The following STYK1 variants were observed in gnomAD, a reference collection of about 807,000 sequenced individuals.
STYK1 encodes STY kinase 1, also known as tyrosine-protein kinase STYK1.
A neutral mutation model predicts 48.1 loss-of-function variants in STYK1; 46 were observed. The ratio of observed to expected loss-of-function variants is 0.96; its 90% CI spans 0.75 to 1.22. The LOEUF is 1.22. Ranked by LOEUF, STYK1 falls within the 50% of genes most tolerant of loss-of-function variation. The probability of loss-of-function intolerance (pLI) is 0.00; values close to 1 mark genes in which losing one functional copy is unlikely to be tolerated. For synonymous variants in STYK1, 188 were observed against 189.0 expected (o/e 0.99, Z 0.04); for missense variants, 527 against 521.1 (o/e 1.01, Z -0.11).
intron 1 of STYK1, among the ~76,000 whole-genome samples, chr12:10,654,630 CAG>C (rs971008161): frequency 1.3e-5 from 2 of 152,062 alleles, no homozygotes; most frequent in Admixed American, 6.6e-5. Context: ...TCTCCTAAGA[CAG>C]AGAGGGTTAA....
intron 1 of STYK1, among the ~76,000 whole-genome samples, chr12:10,637,850 G>T (rs1947503101): frequency 6.6e-6 from 1 of 152,172 alleles, no homozygotes; most frequent in Non-Finnish European, 1.5e-5. Flanking sequence ...ACTCTGTCAA[G>T]CTGAGAAAAG....
chr12:10,630,152 G>A (rs1947408857), intron 5 of STYK1, among the ~76,000 whole-genome samples: 1 of 151,802 alleles, frequency 6.6e-6, no homozygotes, highest in Admixed American at 6.6e-5. Flanking sequence ...TTGGGAGGTT[G>A]AGGCTGGTGG....
chr12:10,639,113 C>T (rs1035009640), intron 1 of STYK1, among the ~76,000 whole-genome samples: 8 of 152,228 alleles, frequency 5.3e-5, no homozygotes, highest in South Asian at 2.1e-4. Context: ...TTCATTCTTA[C>T]CCTTGAGCTA....
chr12:10,633,829 A>G (rs537015555), intron 4 of STYK1, among the ~76,000 whole-genome samples, 161 bp downstream of exon 4: 1 of 152,276 alleles, frequency 6.6e-6, no homozygotes, highest in South Asian at 2.1e-4. Context: ...AATTCCTAGA[A>G]AAGAGATCAT....
chr12:10,649,443 A>G (rs1370020160), intron 1 of STYK1, among the ~76,000 whole-genome samples: 1 of 152,238 alleles, frequency 6.6e-6, no homozygotes, highest in East Asian at 1.9e-4. Flanking sequence ...AGCAATTTGT[A>G]ATGTTAGTGG....
rs148731904 is a variant in STYK1 at position 10,634,500 on chromosome 12, T to G, written c.52+67A>C. ...AAATCAAATCATCCTCCTTCTAGAA[T>G]CTACCGAGACCTTAGCCTTCATAAT... On this transcript the variant is annotated intron_variant, in intron 3 of 10. Transcript: ENST00000075503. 4.0e-6 allele frequency: 6 copies of G among 1,511,794 alleles called. No individual in the cohort carries two copies. The East Asian group carries it at 1.1e-4, about 28-fold the overall frequency. The allele number at this position is 1,511,794 out of a possible 1,614,324, so 93.6% of individuals were successfully genotyped here.
intron 7 of STYK1, 76 bp downstream of exon 7, chr12:10,627,565 T>C: frequency 1.5e-6 from 2 of 1,310,442 alleles, no homozygotes; most frequent in African/African-American, 1.5e-5. Flanking sequence ...AGAATATTAA[T>C]ATGAGAAATA....
Position 10,634,037 on chromosome 12 carries a change from A to T in STYK1, c.140T>A (p.Leu47His). 6.2e-7 allele frequency: 1 copy of T among 1,614,190 alleles called. No individual in the cohort carries two copies. Among genetic ancestry groups the T allele is most frequent in the South Asian group, 1.1e-5 (1 of 91,082 alleles). The change falls in exon 4 of 11, where the codon CTT becomes CAT. Residue 47 changes from leucine (L) to histidine (H), a missense_variant. Transcript: ENST00000075503. Reference protein sequence around the residue: ...FLILLGVILWLFIREQRTQQQ... With the variant: ...FLILLGVILWHFIREQRTQQQ... The stretch of plus-strand genomic sequence containing the variant: ...TTGAGTTCTTTGTTCTCTGATAAAA[A>T]GCCACAGGATGACCCCAAGAAGGAT...
chr12:10,634,408 C>T (rs1204205221), intron 3 of STYK1, among the ~76,000 whole-genome samples, 159 bp downstream of exon 3: 2 of 152,164 alleles, frequency 1.3e-5, no homozygotes, highest in Admixed American at 1.3e-4. Context: ...AGCACTTACC[C>T]TCTCCCCAAA....
At chr12:10,632,756 T>C (rs1285301970) in intron 4 of STYK1, among the ~76,000 whole-genome samples, 1 of 152,190 alleles carries the variant, frequency 6.6e-6, no homozygotes, top group Non-Finnish European at 1.5e-5. Flanking sequence ...TGTTTGCTTA[T>C]GGATTAGATA....
At chr12:10,643,239 T>C (rs1947564026) in intron 1 of STYK1, among the ~76,000 whole-genome samples, 1 of 152,206 alleles carries the variant, frequency 6.6e-6, no homozygotes, top group Non-Finnish European at 1.5e-5. Flanking sequence ...AATTTTACTT[T>C]ATACTCTGAT....
chr12:10,625,905 G>C (rs888510712), intron 7 of STYK1, among the ~76,000 whole-genome samples: 7 of 152,204 alleles, frequency 4.6e-5, no homozygotes, highest in African/African-American at 1.7e-4. Context: ...AGCCAACAGA[G>C]CATCGGAGAG....
At position 10,627,664 on chromosome 12, in the gene STYK1, C is replaced by T. The variant is rs370772078; in HGVS notation, c.694G>A (p.Gly232Arg). 1.2e-5 allele frequency: 20 copies of T among 1,613,518 alleles called. No homozygotes were observed. Among genetic ancestry groups the T allele is most frequent in the African/African-American group, 4.0e-5 (3 of 74,872 alleles). Residue 232 changes from glycine (G) to arginine (R), a missense_variant, in exon 7 of 11, where the codon GGA (glycine) becomes AGA (arginine). Transcript: ENST00000075503. Reference protein sequence around the residue: ...DLTEKQVYHIGKQVLLALEFL... With the variant: ...DLTEKQVYHIRKQVLLALEFL... ...ACCAGCGCCAAAAGGACCTGCTTTC[C>T]GATGTGATATACTTGTTTTTCTGTG...
intron 1 of STYK1, among the ~76,000 whole-genome samples, chr12:10,643,630 C>T (rs893129467): frequency 1.1e-4 from 17 of 151,994 alleles, no homozygotes; most frequent in Admixed American, 2.6e-4. Context: ...GCTATAAAAA[C>T]GGGGCAATAG....
intron 6 of STYK1, 30 bp from the exon 7 acceptor site, chr12:10,627,754 A>G: frequency 1.3e-6 from 2 of 1,565,720 alleles, no homozygotes; most frequent in Non-Finnish European, 1.7e-6. Context: ...AAGCCATTAT[A>G]TCAAAATAGC....
In STYK1 at chr12:10,651,742, G is replaced by A. The variant is rs187459287; in HGVS notation, c.-194-14546C>T. On this transcript the variant is annotated intron_variant, in intron 1 of 10. Transcript: ENST00000075503. ...ACTCGCATTTCTGTATATTCCACAG[G>A]AATAAGATAATTATTTCCTGACACC... 4.5e-4 allele frequency among the ~76,000 whole-genome samples: 69 copies of A among 152,190 alleles called. 1 individual carries two copies. In the East Asian group the frequency reaches 0.012, roughly 27 times the overall value.
chr12:10,657,405 T>TA (rs1052910942), intron 1 of STYK1, among the ~76,000 whole-genome samples: 5 of 152,200 alleles, frequency 3.3e-5, no homozygotes, highest in African/African-American at 1.2e-4. Context: ...ATTAATTGGT[T>TA]TAAAAATAAT....
At chr12:10,646,426 G>T (rs1947599973) in intron 1 of STYK1, among the ~76,000 whole-genome samples, 1 of 152,198 alleles carries the variant, frequency 6.6e-6, no homozygotes, top group Non-Finnish European at 1.5e-5. Flanking sequence ...GTAGAACTTT[G>T]AACTTGAGGG....
At chr12:10,621,267 T>C (rs1052717922) in intron 10 of STYK1, among the ~76,000 whole-genome samples, 1 of 152,228 alleles carries the variant, frequency 6.6e-6, no homozygotes, top group Non-Finnish European at 1.5e-5. Flanking sequence ...TTCCATTTCC[T>C]GCCTCTAGGT....
Sources: allele counts gnomAD v4.1 joint callset (sites outside exome capture counted in the v4.1 genomes callset), GRCh38; gene constraint gnomAD v4.1.1; transcripts MANE v1.5; gene names NCBI Gene and HGNC (gene_info 2026-07-23, HGNC 2026-07-21).